Variants in BICC1 observed in about 807,000 individuals in gnomAD.
BICC1 encodes the protein BicC family RNA binding protein 1, also known as protein bicaudal C homolog 1.
BICC1 carries 43 observed loss-of-function variants against 111.0 expected under a neutral mutation model. The ratio of observed to expected loss-of-function variants is 0.39; its 90% confidence interval spans 0.30 to 0.50. The LOEUF is 0.50. Ranked by LOEUF, BICC1 falls within the 20% of genes least tolerant of loss-of-function variation. The pLI is 0.88. For synonymous variants in BICC1, 467 were observed against 434.4 expected (o/e 1.07, Z -0.93); for missense variants, 1,091 against 1,203.2 (o/e 0.91, Z 1.38).
intron 2 of BICC1, among the ~76,000 whole-genome samples, chr10:58,641,923 A>G (rs1403633306): frequency 3.6e-4 from 55 of 152,210 alleles, no homozygotes; most frequent in Non-Finnish European, 1.0e-4. Flanking sequence ...AATGTACCTA[A>G]CGTTGCTATT....
At chr10:58,639,567 G>GTT in intron 2 of BICC1, among the ~76,000 whole-genome samples, 1 of 89,948 alleles carries the variant, frequency 1.1e-5, no homozygotes, top group Non-Finnish European at 2.2e-5. Context: ...CCAGCTAATT[G>GTT]TTTTTTTTTT....
At chr10:58,711,928 G>A (rs1228663588) in intron 3 of BICC1, among the ~76,000 whole-genome samples, 1 of 151,712 alleles carries the variant, frequency 6.6e-6, no homozygotes. Flanking sequence ...AGCCAGAGAC[G>A]GGGAGAAAAT....
intron 18 of BICC1, among the ~76,000 whole-genome samples, chr10:58,816,365 T>G (rs1054998151): frequency 3.9e-5 from 6 of 152,100 alleles, no homozygotes; most frequent in Non-Finnish European, 5.9e-5. Flanking sequence ...ATCTTGGGGT[T>G]TGGTTTTGGG....
intron 3 of BICC1, among the ~76,000 whole-genome samples, chr10:58,711,153 T>G (rs1840559949): frequency 6.6e-6 from 1 of 152,170 alleles, no homozygotes; most frequent in South Asian, 2.1e-4. Context: ...TACAGAATAT[T>G]TTGTACTTAA....
chr10:58,823,745 G>A, intron 20 of BICC1: 1 of 985,306 alleles, frequency 1.0e-6, no homozygotes, highest in Non-Finnish European at 1.2e-6. Flanking sequence ...TGAGAAAATG[G>A]AGGCCGAAGA....
rs570399673 is a variant in BICC1 at position 58,678,190 on chromosome 10, A to G, written c.238-23884A>G. Among the ~76,000 whole-genome samples, 9 of 152,356 alleles carry G rather than the reference A, an allele frequency of 5.9e-5. No individual in the cohort carries two copies. The East Asian group carries it at 1.7e-3, about 29-fold the overall frequency. ...CATAATGACAGGGTCAAATTCACACATAACAATATTAACCTTAAATGTAAA... is the reference window on the plus strand; with the variant it reads ...CATAATGACAGGGTCAAATTCACACGTAACAATATTAACCTTAAATGTAAA... On this transcript the variant is annotated intron_variant, in intron 2 of 20. Coordinates refer to ENST00000373886, the MANE Select transcript of BICC1 (RefSeq NM_001080512.3).
At chr10:58,571,237 C>T (rs1425934704) in intron 1 of BICC1, among the ~76,000 whole-genome samples, 2 of 152,082 alleles carry the variant, frequency 1.3e-5, no homozygotes, top group Non-Finnish European at 2.9e-5. Context: ...TTTCCCTGGG[C>T]CTATCCAAAT....
intron 1 of BICC1, among the ~76,000 whole-genome samples, chr10:58,584,454 G>C (rs528891626): frequency 1.3e-5 from 2 of 152,240 alleles, no homozygotes; most frequent in East Asian, 3.9e-4. Context: ...TATCTGGTGC[G>C]CTCCTCTGAC....
chr10:58,537,709 A>G (rs1186771635), intron 1 of BICC1, among the ~76,000 whole-genome samples: 2 of 151,808 alleles, frequency 1.3e-5, no homozygotes, highest in Non-Finnish European at 3.0e-5. Context: ...TTTGCTGATG[A>G]TGTGATCATA....
chr10:58,532,059 A>G (rs1842695114), intron 1 of BICC1, among the ~76,000 whole-genome samples: 1 of 151,844 alleles, frequency 6.6e-6, no homozygotes, highest in African/African-American at 2.4e-5. Context: ...GGAAATAGAT[A>G]TCCAAATATA....
At chr10:58,721,205 C>T (rs1840929728) in intron 3 of BICC1, among the ~76,000 whole-genome samples, 1 of 152,196 alleles carries the variant, frequency 6.6e-6, no homozygotes, top group South Asian at 2.1e-4. Context: ...CATTGACCCC[C>T]AGCAGGAATG....
intron 20 of BICC1, chr10:58,823,733 C>T (rs954160053): frequency 4.1e-6 from 4 of 985,044 alleles, no homozygotes; most frequent in South Asian, 4.7e-5. Flanking sequence ...GTTATTCCCC[C>T]GTGAGAAAAT....
At chr10:58,555,687 C>G (rs1843431060) in intron 1 of BICC1, among the ~76,000 whole-genome samples, 1 of 152,118 alleles carries the variant, frequency 6.6e-6, no homozygotes, top group Admixed American at 6.6e-5. Flanking sequence ...CCTGGCATCT[C>G]TGGAACTCAA....
At chr10:58,792,840 T>TC (rs1406727665) in intron 8 of BICC1, among the ~76,000 whole-genome samples, 1 of 151,914 alleles carries the variant, frequency 6.6e-6, no homozygotes, top group African/African-American at 2.4e-5. Context: ...TCTGAAACCA[T>TC]CCCCCTTCCC....
chr10:58,552,626 C>G (rs996854905), intron 1 of BICC1, among the ~76,000 whole-genome samples: 1 of 152,134 alleles, frequency 6.6e-6, no homozygotes, highest in Non-Finnish European at 1.5e-5. Flanking sequence ...ATTCTTATTT[C>G]TTAAACACAC....
At position 58,829,707 on chromosome 10, in the gene BICC1, A is replaced by G. The variant is rs1844503672; in HGVS notation, c.*816A>G. On this transcript the variant is annotated 3_prime_UTR_variant, in exon 21 of 21. Coordinates refer to ENST00000373886, the MANE Select transcript of BICC1 (RefSeq NM_001080512.3). The stretch of plus-strand genomic sequence containing the variant: ...AGTATTAACCCTTTGCAGTCGTCAT[A>G]CTTAGCTGCTGCCTGTAATGCTAAA... The G allele has an allele frequency of 6.6e-6, 1 of 152,206 alleles. No homozygotes were observed. Among genetic ancestry groups the G allele is most frequent in the Non-Finnish European group, 1.5e-5 (1 of 68,024 alleles). 9.4% of individuals were successfully genotyped at this position (152,206 alleles called of 1,614,324 possible). A position where few individuals can be genotyped will look rare whatever the true frequency, so the allele number is the denominator to read the frequency against.
chr10:58,762,732 A>G (rs914133919), intron 3 of BICC1, among the ~76,000 whole-genome samples: 2 of 152,154 alleles, frequency 1.3e-5, no homozygotes, highest in Non-Finnish European at 2.9e-5. Context: ...TTTTCTTTAC[A>G]TGAAAATTAA....
intron 2 of BICC1, among the ~76,000 whole-genome samples, chr10:58,668,044 T>G (rs935220860): frequency 6.6e-6 from 1 of 152,072 alleles, no homozygotes; most frequent in Admixed American, 6.6e-5. Flanking sequence ...AAATTAAAAA[T>G]TGGTAGTAAA....
chr10:58,785,837 T>A (rs781045109), intron 4 of BICC1, among the ~76,000 whole-genome samples: 1 of 152,232 alleles, frequency 6.6e-6, no homozygotes, highest in East Asian at 1.9e-4. Context: ...TGTCTCATTC[T>A]TAACCACTTT....
Sources: gnomAD v4.1 joint callset for allele counts (sites outside exome capture counted in the v4.1 genomes callset) on GRCh38, gnomAD v4.1.1 for gene constraint, MANE v1.5 for transcripts, NCBI Gene and HGNC (gene_info 2026-07-23, HGNC 2026-07-21) for gene names.